Variants in SENP7 observed in about 807,000 individuals in gnomAD.
SENP7 encodes SUMO specific peptidase 7.
SENP7 carries 64 observed loss-of-function variants against 141.2 expected under a neutral mutation model. The ratio of observed to expected loss-of-function variants is 0.45; its 90% CI spans 0.37 to 0.56. The LOEUF (loss-of-function observed/expected upper bound fraction) is 0.56. Among genes scored for constraint, SENP7 ranks in the 20% least tolerant of loss-of-function variants. SENP7 has a pLI of 0.00. For missense variants in SENP7, 1,025 were observed against 1,212.2 expected (o/e 0.85, Z 2.29); for synonymous variants, 382 against 426.4 (o/e 0.90, Z 1.28).
chr3:101,472,092 G>A (rs185494949), intron 3 of SENP7, among the ~76,000 whole-genome samples: 54 of 152,356 alleles, frequency 3.5e-4, no homozygotes, highest in Middle Eastern at 3.4e-3. Flanking sequence ...AAGACAGTGT[G>A]GCGAATCCTC....
At chr3:101,346,890 A>C (rs1324886034) in intron 13 of SENP7, among the ~76,000 whole-genome samples, 1 of 150,942 alleles carries the variant, frequency 6.6e-6, no homozygotes, top group Non-Finnish European at 1.5e-5. Context: ...CCGGTTTCCC[A>C]AAAACCCATG....
chr3:101,438,755 T>C (rs2062488512), intron 4 of SENP7, among the ~76,000 whole-genome samples: 1 of 152,200 alleles, frequency 6.6e-6, no homozygotes, highest in Admixed American at 6.5e-5. Flanking sequence ...TATAAGGGCG[T>C]GACCAGATGG....
At chr3:101,471,015 T>TG (rs2063970457) in intron 3 of SENP7, among the ~76,000 whole-genome samples, 1 of 152,128 alleles carries the variant, frequency 6.6e-6, no homozygotes, top group Non-Finnish European at 1.5e-5. Context: ...CACAAACAAA[T>TG]GGAAGAATAT....
At chr3:101,450,305 A>G (rs574861410) in intron 4 of SENP7, among the ~76,000 whole-genome samples, 1,705 of 152,176 alleles carry the variant, frequency 0.011, 31 homozygotes, top group African/African-American at 0.036. Flanking sequence ...ACAGATCAAC[A>G]AGACAGAAAG....
chr3:101,461,610 T>C (rs749594844), intron 3 of SENP7, among the ~76,000 whole-genome samples: 3 of 151,142 alleles, frequency 2.0e-5, no homozygotes, highest in African/African-American at 7.3e-5. Context: ...AAAAACAGTA[T>C]TGCAGTTCCT....
chr3:101,495,026 C>T (rs1029417942), intron 2 of SENP7, among the ~76,000 whole-genome samples: 2 of 152,048 alleles, frequency 1.3e-5, no homozygotes. Flanking sequence ...ATTTGGCAGT[C>T]TATCCGTCTG....
At chr3:101,487,948 T>G (rs1282319409) in intron 3 of SENP7, among the ~76,000 whole-genome samples, 1 of 152,204 alleles carries the variant, frequency 6.6e-6, no homozygotes, top group African/African-American at 2.4e-5. Context: ...TTTGGGCTCT[T>G]TTTTGTTCCA....
chr3:101,513,136 C>A lies in SENP7; in HGVS notation c.-6G>T. ...CCGAGCTTTCTCTTGTCCATCTTCT[C>A]CCGCTGCTGAAATTTCAGTTGCAGG... On this transcript the variant is annotated 5_prime_UTR_variant, in exon 1 of 24. Coordinates refer to ENST00000394095, the MANE Select transcript of SENP7 (RefSeq NM_020654.5). 1 of 1,601,474 alleles carries A rather than the reference C, an allele frequency of 6.2e-7. No individual in the cohort carries two copies. The highest frequency in any genetic ancestry group is 1.7e-4 in the Middle Eastern group (1 of 5,968).
In SENP7 at chr3:101,371,988, G is replaced by C; in HGVS notation, c.796+20C>G. Reference sequence around the variant, plus strand: ...ATAAGAAAAAATTCAAATTCCAACAGTTTTCTAAGGTTCACAAACCTTCAG... The same window carrying C: ...ATAAGAAAAAATTCAAATTCCAACACTTTTCTAAGGTTCACAAACCTTCAG... On this transcript the variant is annotated intron_variant, in intron 7 of 23. Coordinates refer to ENST00000394095, the MANE Select transcript of SENP7 (RefSeq NM_020654.5). 3 of 1,141,690 alleles carry C rather than the reference G, an allele frequency of 2.6e-6. No homozygotes were observed. Among genetic ancestry groups the C allele is most frequent in the Non-Finnish European group, 2.4e-6 (2 of 833,068 alleles). The allele number at this position is 1,141,690 out of a possible 1,614,324, so 70.7% of individuals were successfully genotyped here. A position where few individuals can be genotyped will look rare whatever the true frequency, so the allele number is the denominator to read the frequency against.
Position 101,488,359 on chromosome 3 carries a change from A to G in SENP7, c.186+5514T>C, listed in dbSNP as rs114614755. 9.5e-3 allele frequency among the ~76,000 whole-genome samples: 1,445 copies of G among 152,296 alleles called. 28 individuals carry two copies. Among genetic ancestry groups the G allele is most frequent in the African/African-American group, 0.033 (1,359 of 41,558 alleles). ...CCTTTATCAGTTCTAGGAACTCTTC[A>G]TCAGAGTCTTCAGAGTTTTATAGGT... On this transcript the variant is annotated intron_variant, in intron 3 of 23. Coordinates refer to ENST00000394095, the MANE Select transcript of SENP7 (RefSeq NM_020654.5).
At chr3:101,413,455 TG>T (rs1400726692) in intron 5 of SENP7, among the ~76,000 whole-genome samples, 2 of 152,178 alleles carry the variant, frequency 1.3e-5, no homozygotes, top group Non-Finnish European at 2.9e-5. Context: ...AGTCTAGAGA[TG>T]TAACTCTGGT....
intron 7 of SENP7, among the ~76,000 whole-genome samples, chr3:101,371,336 A>C (rs918430546): frequency 5.3e-5 from 8 of 152,162 alleles, no homozygotes; most frequent in East Asian, 1.9e-4. Flanking sequence ...AGCAAGAAAG[A>C]AAGCAAGCAA....
At chr3:101,355,873 T>C (rs2059728661) in intron 11 of SENP7, among the ~76,000 whole-genome samples, 2 of 152,186 alleles carry the variant, frequency 1.3e-5, no homozygotes, top group African/African-American at 4.8e-5. Context: ...GTTTGTGTCA[T>C]ACTGATTTCT....
At chr3:101,484,650 C>T (rs1576493235) in intron 3 of SENP7, among the ~76,000 whole-genome samples, 1 of 152,078 alleles carries the variant, frequency 6.6e-6, no homozygotes, top group East Asian at 1.9e-4. Context: ...GAGAAGTTTC[C>T]GACCTAACCT....
intron 4 of SENP7, among the ~76,000 whole-genome samples, chr3:101,458,252 T>C (rs950534207): frequency 1.4e-4 from 21 of 152,320 alleles, no homozygotes; most frequent in Admixed American, 1.4e-3. Context: ...TAGAAGTACT[T>C]TGACATAAAT....
chr3:101,458,693 T>G, intron 4 of SENP7: 1 of 228,320 alleles, frequency 4.4e-6, no homozygotes. Flanking sequence ...AAACAATGAT[T>G]CAATCATCAT....
chr3:101,445,644 C>T (rs1040321033), intron 4 of SENP7, among the ~76,000 whole-genome samples: 2 of 152,108 alleles, frequency 1.3e-5, no homozygotes, highest in Admixed American at 6.5e-5. Flanking sequence ...CCAAACTATA[C>T]TCTTCCTAGA....
At chr3:101,387,495 C>T (rs2060691556) in intron 6 of SENP7, among the ~76,000 whole-genome samples, 1 of 152,098 alleles carries the variant, frequency 6.6e-6, no homozygotes, top group Non-Finnish European at 1.5e-5. Context: ...GACCTGCCCC[C>T]TCACAACTTC....
At chr3:101,394,393 T>C (rs148856632) in intron 6 of SENP7, among the ~76,000 whole-genome samples, 1 of 152,318 alleles carries the variant, frequency 6.6e-6, no homozygotes, top group South Asian at 2.1e-4. Context: ...TGAATAGTAC[T>C]GCAAAAAAAC....
Sources: gnomAD v4.1 joint callset for allele counts (sites outside exome capture counted in the v4.1 genomes callset) on GRCh38, gnomAD v4.1.1 for gene constraint, MANE v1.5 for transcripts, NCBI Gene and HGNC (gene_info 2026-07-23, HGNC 2026-07-21) for gene names.